TRPM7: variants seen among roughly 807,000 people sequenced by gnomAD.
TRPM7 encodes the protein LTRPC ion channel family member 7.
A neutral mutation model predicts 229.7 loss-of-function variants in TRPM7; 134 were observed. The ratio of observed to expected loss-of-function variants is 0.58; its 90% CI spans 0.51 to 0.67. The LOEUF (loss-of-function observed/expected upper bound fraction) is 0.67, where lower values mean the gene tolerates loss of function less well. Ranked by LOEUF, TRPM7 falls within the 30% of genes least tolerant of loss-of-function variation. The probability of loss-of-function intolerance (pLI) is 0.00; values close to 1 mark genes in which losing one functional copy is unlikely to be tolerated. For missense variants in TRPM7, 1,901 were observed against 2,210.0 expected (o/e 0.86, Z 2.80); for synonymous variants, 699 against 715.2 (o/e 0.98, Z 0.36).
intron 38 of TRPM7, among the ~76,000 whole-genome samples, chr15:50,566,271 A>G (rs1247116772): frequency 6.6e-6 from 1 of 152,216 alleles, no homozygotes; most frequent in African/African-American, 2.4e-5. Context: ...TCCATACATC[A>G]AAGAGGAATA....
chr15:50,668,042 T>C (rs2061921176), intron 1 of TRPM7, among the ~76,000 whole-genome samples: 1 of 152,248 alleles, frequency 6.6e-6, no homozygotes, highest in Non-Finnish European at 1.5e-5. Context: ...CAAAATTCTT[T>C]GTCAATCGTG....
rs1450289702 is a variant in TRPM7, at chr15:50,558,066, G to A, written c.*3612C>T. 1 of 152,180 alleles carries A rather than the reference G, an allele frequency of 6.6e-6. No homozygotes were observed. The highest frequency in any genetic ancestry group is 2.4e-5 in the African/African-American group (1 of 41,436). The allele number at this position is 152,180 out of a possible 1,614,324, so 9.4% of individuals were successfully genotyped here. A position where few individuals can be genotyped will look rare whatever the true frequency, so the allele number is the denominator to read the frequency against. On this transcript the variant is annotated 3_prime_UTR_variant, in exon 39 of 39. Coordinates refer to ENST00000646667, the MANE Select transcript of TRPM7 (RefSeq NM_017672.6). ...TTTCACATCATAGGGTAGTAATAAT[G>A]AACTTTAATAATCTTAAAAAAATAC... is the stretch of plus-strand genomic sequence containing the variant.
At position 50,609,809 on chromosome 15, in the gene TRPM7, G is replaced by A. The variant is rs376197498; in HGVS notation, c.2433C>T (p.Pro811=). 2 of 1,607,904 alleles carry A rather than the reference G, an allele frequency of 1.2e-6. No homozygotes were observed. Among genetic ancestry groups the A allele is most frequent in the Admixed American group, 1.7e-5 (1 of 59,232 alleles). ...NNFQNITEEI[P]MEVFKEVRIL... is the part of the protein sequence containing the mutation. ...TTTAAAATGTTTTCCTGCTTACCAT[G>A]GGGATCTCTTCTGTTATGTTCTGAA... Residue 811 remains proline, a synonymous_variant, in exon 18 of 39, where the codon CCC becomes CCT. Transcript: ENST00000646667.
intron 7 of TRPM7, 44 bp from the exon 8 acceptor site, chr15:50,634,600 C>G: frequency 7.6e-7 from 1 of 1,310,278 alleles, no homozygotes; most frequent in Non-Finnish European, 9.9e-7. Flanking sequence ...TCATCCCAAG[C>G]AAGTTTCTCT....
At position 50,561,609 on chromosome 15, in the gene TRPM7, C is replaced by T. The variant is rs956262896; in HGVS notation, c.*69G>A. On this transcript the variant is annotated 3_prime_UTR_variant, in exon 39 of 39. Transcript: ENST00000646667. ...TCTATATTACCAAACAATTTCCTCC[C>T]GAGGGAAAAGTGACACAGTAACATT... The T allele has an allele frequency of 3.8e-6, 6 of 1,576,414 alleles. No individual in the cohort carries two copies. Among genetic ancestry groups the T allele is most frequent in the East Asian group, 2.3e-5 (1 of 44,312 alleles).
chr15:50,628,298 T>A, intron 10 of TRPM7, 49 bp from the exon 11 acceptor site: 1 of 1,368,594 alleles, frequency 7.3e-7, no homozygotes, highest in Non-Finnish European at 1.0e-6. Flanking sequence ...TTTATCTCCA[T>A]TAAAAGGTGA....
At chr15:50,594,725 C>T in intron 23 of TRPM7, 112 bp from the exon 24 acceptor site, 1 of 733,684 alleles carries the variant, frequency 1.4e-6, no homozygotes, top group Non-Finnish European at 2.0e-6. Context: ...AAAAAATATC[C>T]TTCTGTAAAC....
chr15:50,589,517 TAATTA>T (rs1440749168), intron 27 of TRPM7, 70 bp downstream of exon 27: 20 of 1,051,456 alleles, frequency 1.9e-5, no homozygotes, highest in Non-Finnish European at 2.8e-5. Context: ...AAAAAATGTT[TAATTA>T]AATTTTGAAC....
intron 31 of TRPM7, among the ~76,000 whole-genome samples, 153 bp from the exon 32 acceptor site, chr15:50,576,072 G>A (rs1207620559): frequency 2.0e-5 from 3 of 152,150 alleles, no homozygotes; most frequent in Non-Finnish European, 4.4e-5. Flanking sequence ...TGTCCACTGT[G>A]CTATATTACC....
chr15:50,623,511 T>G (rs1596233090), intron 12 of TRPM7, among the ~76,000 whole-genome samples: 1 of 132,446 alleles, frequency 7.6e-6, no homozygotes, highest in Non-Finnish European at 1.6e-5. Context: ...CCGCCCTGGA[T>G]TTGGGGGGCA....
Position 50,586,484 on chromosome 15 carries a change from T to C in TRPM7, c.4394A>G (p.Asn1465Ser). Residue 1465 changes from asparagine to serine, a missense_variant, in exon 28 of 39, where the codon AAC (asparagine) becomes AGC (serine). Asn to Ser is a conservative substitution (Grantham distance 46). Around this residue, in one of 8 missense-constraint regions of TRPM7, gnomAD observed 533 missense variants for 497.1 expected, o/e 1.07. Transcript: ENST00000646667. ...TSNKIKILSN[N>S]NTSENTLKRV... The stretch of plus-strand genomic sequence containing the variant: ...TTTCAAAGTGTTTTCAGAAGTATTG[T>C]TATTCTGCAAATATTGTGCAGACAT... The C allele has an allele frequency of 6.2e-7, 1 of 1,602,982 alleles. No individual in the cohort carries two copies. Among genetic ancestry groups the C allele is most frequent in the Non-Finnish European group, 8.5e-7 (1 of 1,170,306 alleles).
chr15:50,664,942 T>C (rs1386006591), intron 1 of TRPM7, among the ~76,000 whole-genome samples: 1 of 152,216 alleles, frequency 6.6e-6, no homozygotes, highest in East Asian at 1.9e-4. Flanking sequence ...TCCAGCCTCG[T>C]TGACAGAGCA....
rs1215549007 is a variant in TRPM7 at position 50,663,063 on chromosome 15, T to C, written c.4-17A>G. ...TTTCTGGGACTAAAACAAAATGTTT[T>C]AAAGAATTGTTTATAAGTTAACCCA... is the stretch of plus-strand genomic sequence containing the variant. On this transcript the variant is annotated splice_polypyrimidine_tract_variant and intron_variant, in intron 1 of 38. Coordinates refer to ENST00000646667, the MANE Select transcript of TRPM7 (RefSeq NM_017672.6). The C allele has an allele frequency of 3.8e-6, 6 of 1,591,200 alleles. No individual in the cohort carries two copies. Among genetic ancestry groups the C allele is most frequent in the Middle Eastern group, 1.7e-4 (1 of 6,030 alleles).
chr15:50,563,000 A>AGT (rs956645299), intron 38 of TRPM7, among the ~76,000 whole-genome samples: 5 of 152,186 alleles, frequency 3.3e-5, no homozygotes, highest in Admixed American at 1.3e-4. Context: ...GAATGGACTT[A>AGT]GTGTGCTTTG....
intron 11 of TRPM7, among the ~76,000 whole-genome samples, chr15:50,627,709 A>G (rs1240822749): frequency 6.6e-6 from 1 of 152,208 alleles, no homozygotes; most frequent in Non-Finnish European, 1.5e-5. Flanking sequence ...TTGAAACTAG[A>G]TCTGACAAGA....
Position 50,617,582 on chromosome 15 carries a change from TAAAG to T in TRPM7, c.1494+2159_1494+2162del, listed in dbSNP as rs1298216514. Among the ~76,000 whole-genome samples the T allele has an allele frequency of 5.3e-5, 8 of 151,456 alleles. No individual in the cohort carries two copies. The East Asian group carries it at 1.6e-3, about 30-fold the overall frequency. The stretch of plus-strand genomic sequence containing the variant: ...GTTTAGTATTAAATCAGTTACAAAA[TAAAG>T]AAAATGAAAACAGAAAATCACATTT... On this transcript the variant is annotated intron_variant, in intron 13 of 38. Coordinates refer to ENST00000646667, the MANE Select transcript of TRPM7 (RefSeq NM_017672.6).
At position 50,603,577 on chromosome 15, in the gene TRPM7, CTTGCAATAGT is replaced by C. The variant is rs376065716; in HGVS notation, c.2988+1279_2988+1288del. On this transcript the variant is annotated intron_variant, in intron 21 of 38. Coordinates refer to ENST00000646667, the MANE Select transcript of TRPM7 (RefSeq NM_017672.6). ...AACATGCGGTGTTTGGTTTTCTGTC[CTTGCAATAGT>C]TTGCTCAGAATGATGGTTTCCAGCT... Among the ~76,000 whole-genome samples, 99 of 151,972 alleles carry C rather than the reference CTTGCAATAGT, an allele frequency of 6.5e-4. 2 individuals are homozygous for C. In the East Asian group the frequency reaches 0.017, roughly 26 times the overall value.
intron 12 of TRPM7, among the ~76,000 whole-genome samples, chr15:50,620,768 T>TA (rs1028077961): frequency 1.1e-4 from 16 of 152,072 alleles, no homozygotes; most frequent in African/African-American, 1.9e-4. Context: ...CCGTCTCTAC[T>TA]AAAAAAACAC....
chr15:50,613,925 G>A (rs2060139512), intron 14 of TRPM7, 84 bp from the exon 15 acceptor site: 1 of 1,489,516 alleles, frequency 6.7e-7, no homozygotes, highest in Admixed American at 2.1e-5. Flanking sequence ...ATATATGTGT[G>A]CAAATGTGTT....
Sources: gnomAD v4.1 joint callset for allele counts (sites outside exome capture counted in the v4.1 genomes callset) on GRCh38, gnomAD v4.1.1 for gene constraint, gnomAD v4.1.1 regional missense constraint, MANE v1.5 for transcripts, NCBI Gene and HGNC (gene_info 2026-07-23, HGNC 2026-07-21) for gene names.